Variants in MAML3 observed in about 807,000 individuals in gnomAD.
The protein encoded by MAML3 is mastermind-like protein 3.
Under a neutral mutation model 101.9 loss-of-function variants are expected in MAML3, and 27 were observed. The observed-to-expected ratio is 0.27, with a 90% confidence interval of 0.20 to 0.37. The LOEUF (loss-of-function observed/expected upper bound fraction) is 0.37. MAML3 is among the 10% of genes least tolerant of loss of function. The pLI, the probability that MAML3 is intolerant of heterozygous loss-of-function variation, is 1.00. For synonymous variants in MAML3, 501 were observed against 555.9 expected (o/e 0.90, Z 1.39); for missense variants, 1,316 against 1,444.9 (o/e 0.91, Z 1.45).
intron 2 of MAML3, among the ~76,000 whole-genome samples, chr4:139,734,322 T>C (rs1728842422): frequency 6.6e-6 from 1 of 152,224 alleles, no homozygotes; most frequent in African/African-American, 2.4e-5. Flanking sequence ...GCTTTCGTCA[T>C]GCGAGATGTA....
intron 1 of MAML3, among the ~76,000 whole-genome samples, chr4:140,080,334 T>C (rs1250623303): frequency 6.6e-6 from 1 of 152,234 alleles, no homozygotes; most frequent in Non-Finnish European, 1.5e-5. Flanking sequence ...CTCATGGGTC[T>C]GAATGTGCCC....
chr4:139,981,777 G>A (rs1465895185), intron 1 of MAML3, among the ~76,000 whole-genome samples: 2 of 152,294 alleles, frequency 1.3e-5, no homozygotes, highest in East Asian at 3.9e-4. Context: ...AGACTGACAA[G>A]CTTGTAGAAT....
At chr4:139,772,114 C>T (rs6810998) in intron 2 of MAML3, among the ~76,000 whole-genome samples, 27,643 of 150,034 alleles carry the variant, frequency 0.18, 4,355 homozygotes, top group African/African-American at 0.43. Context: ...GTGGCAGGTG[C>T]CTGTAGTTCC....
At chr4:139,763,808 T>C (rs573273519) in intron 2 of MAML3, among the ~76,000 whole-genome samples, 2 of 152,144 alleles carry the variant, frequency 1.3e-5, no homozygotes, top group South Asian at 4.2e-4. Flanking sequence ...GTGGGCAGAG[T>C]GCTGGAACAG....
intron 1 of MAML3, among the ~76,000 whole-genome samples, chr4:140,086,116 T>C (rs1727947090): frequency 6.6e-6 from 1 of 152,240 alleles, no homozygotes; most frequent in South Asian, 2.1e-4. Context: ...CCTCAAATGT[T>C]TGTTTTCCAA....
intron 1 of MAML3, among the ~76,000 whole-genome samples, chr4:140,030,281 A>G (rs1726887630): frequency 1.3e-5 from 2 of 152,154 alleles, no homozygotes; most frequent in Non-Finnish European, 2.9e-5. Flanking sequence ...AGGAGATTAG[A>G]TTATTTTAAA....
intron 1 of MAML3, among the ~76,000 whole-genome samples, chr4:139,990,140 C>T (rs1734636287): frequency 6.6e-6 from 1 of 152,090 alleles, no homozygotes; most frequent in Non-Finnish European, 1.5e-5. Flanking sequence ...TAGAGTCATA[C>T]AGACAACCTC....
In MAML3 at chr4:139,733,047, T is replaced by C. The variant is rs560994373; in HGVS notation, c.2080-2380A>G. 2.0e-5 allele frequency among the ~76,000 whole-genome samples: 3 copies of C among 152,320 alleles called. No homozygotes were observed. The South Asian group carries it at 6.2e-4, about 32-fold the overall frequency. On this transcript the variant is annotated intron_variant, in intron 2 of 4. Coordinates refer to ENST00000509479, the MANE Select transcript of MAML3 (RefSeq NM_018717.5). ...CCTAGATATTTCAGGGTCTTCCCTT[T>C]TCCCCCAAATATTTGCTACCTGTTT...
chr4:139,893,409 CT>C (rs1191410898), intron 1 of MAML3, among the ~76,000 whole-genome samples: 2 of 152,122 alleles, frequency 1.3e-5, no homozygotes, highest in Non-Finnish European at 2.9e-5. Context: ...ACTACCATAG[CT>C]TTTTCACACT....
At chr4:140,041,917 A>C (rs1178019124) in intron 1 of MAML3, among the ~76,000 whole-genome samples, 1 of 152,176 alleles carries the variant, frequency 6.6e-6, no homozygotes. Context: ...GTAAGACTAT[A>C]TGGGTAGCAA....
intron 1 of MAML3, among the ~76,000 whole-genome samples, chr4:140,152,048 G>A (rs1293365683): frequency 6.6e-6 from 1 of 152,190 alleles, no homozygotes; most frequent in African/African-American, 2.4e-5. Context: ...TGTGTGGTGG[G>A]GCCTCTTGGC....
At chr4:139,935,293 A>G (rs988405564) in intron 1 of MAML3, among the ~76,000 whole-genome samples, 2 of 151,500 alleles carry the variant, frequency 1.3e-5, no homozygotes, top group Non-Finnish European at 2.9e-5. Flanking sequence ...TCCATCAGCC[A>G]TAAGTGCAAT....
At chr4:139,843,728 T>C (rs1042414157) in intron 2 of MAML3, among the ~76,000 whole-genome samples, 2 of 152,210 alleles carry the variant, frequency 1.3e-5, no homozygotes, top group African/African-American at 4.8e-5. Context: ...CTATCTCCAG[T>C]TTAATAACCA....
chr4:139,814,604 T>C (rs1032464518), intron 2 of MAML3, among the ~76,000 whole-genome samples: 2 of 152,076 alleles, frequency 1.3e-5, no homozygotes, highest in African/African-American at 4.8e-5. Flanking sequence ...GAACGAACTG[T>C]AATGAACTGT....
chr4:140,152,234 C>T (rs1373767321), intron 1 of MAML3, among the ~76,000 whole-genome samples: 1 of 152,232 alleles, frequency 6.6e-6, no homozygotes, highest in Non-Finnish European at 1.5e-5. Flanking sequence ...CACCCTCGCT[C>T]GTTTCTCACC....
intron 2 of MAML3, among the ~76,000 whole-genome samples, chr4:139,805,463 C>T (rs1430344294): frequency 1.3e-5 from 2 of 151,954 alleles, no homozygotes; most frequent in African/African-American, 4.8e-5. Flanking sequence ...TAATCAAGAC[C>T]CTCTTTTTAA....
At chr4:139,771,965 C>T (rs535925127) in intron 2 of MAML3, among the ~76,000 whole-genome samples, 97 of 148,138 alleles carry the variant, frequency 6.5e-4, no homozygotes, top group African/African-American at 1.3e-3. Context: ...AAAGTCCGGG[C>T]GCGGTGGCTC....
chr4:139,735,459 T>C lies in MAML3; in HGVS notation c.2080-4792A>G, dbSNP rs752482402. Among the ~76,000 whole-genome samples the C allele has an allele frequency of 3.8e-4, 33 of 87,898 alleles. No homozygotes were observed. The highest frequency in any genetic ancestry group is 1.2e-3 in the South Asian group (3 of 2,416). The allele number at this position is 87,898 out of a possible 152,430, so 57.7% of individuals were successfully genotyped here. A position where few individuals can be genotyped will look rare whatever the true frequency, so the allele number is the denominator to read the frequency against. ...GGCTGGGAGTGGGGTAGGGGGGCAG[T>C]GGCGACCTCCGGGGGGGGAGGGTGG... On this transcript the variant is annotated intron_variant, in intron 2 of 4. Transcript: ENST00000509479. This position sits in a 1 kb window ranked among gnomAD's most constrained non-coding sequence, Gnocchi z 5.8.
chr4:140,043,389 CT>C (rs1214155901), intron 1 of MAML3, among the ~76,000 whole-genome samples: 1 of 152,124 alleles, frequency 6.6e-6, no homozygotes, highest in African/African-American at 2.4e-5. Flanking sequence ...CTAATTTTTA[CT>C]TTATAGGAAT....
Sources: allele counts gnomAD v4.1 joint callset (sites outside exome capture counted in the v4.1 genomes callset), GRCh38; gene constraint gnomAD v4.1.1; non-coding constraint Gnocchi (gnomAD v3.1); transcripts MANE v1.5; gene names NCBI Gene and HGNC (gene_info 2026-07-23, HGNC 2026-07-21).